Variants in BMI1 observed in about 807,000 individuals in gnomAD.
The protein encoded by BMI1 is polycomb complex protein BMI-1.
A neutral mutation model predicts 39.1 loss-of-function variants in BMI1; 9 were observed. The ratio of observed to expected loss-of-function variants is 0.23; its 90% confidence interval spans 0.14 to 0.40. The LOEUF is 0.40. BMI1 is among the 10% of genes least tolerant of loss of function. The pLI is 1.00. For missense variants in BMI1, 252 were observed against 390.8 expected (o/e 0.64, Z 2.99); for synonymous variants, 131 against 127.9 (o/e 1.02, Z -0.16).
chr10:22,330,326 T>C lies in BMI1; in HGVS notation c.*784T>C. ...TTGTGTTTCATGCATTCAGAAATGA[T>C]TGTTAAAATTCTCCCAACTGGTTCG... is the stretch of plus-strand genomic sequence containing the variant. On this transcript the variant is annotated 3_prime_UTR_variant, in exon 10 of 10. Coordinates refer to ENST00000376663, the MANE Select transcript of BMI1 (RefSeq NM_005180.9). 1 of 152,678 alleles carries C rather than the reference T, an allele frequency of 6.5e-6. No individual in the cohort carries two copies. The highest frequency in any genetic ancestry group is 1.5e-5 in the Non-Finnish European group (1 of 68,036). The allele number at this position is 152,678 out of a possible 1,614,324, so 9.5% of individuals were successfully genotyped here.
Position 22,330,444 on chromosome 10 carries a change from A to G in BMI1, c.*902A>G, listed in dbSNP as rs1441184913. The stretch of plus-strand genomic sequence containing the variant: ...ATCTAATTCTAAAGTCTGTTCCATT[A>G]GAAGCAATTGGCACATCTTTCTATA... On this transcript the variant is annotated 3_prime_UTR_variant, in exon 10 of 10. Transcript: ENST00000376663. 3 of 152,516 alleles carry G rather than the reference A, an allele frequency of 2.0e-5. No homozygotes were observed. Among genetic ancestry groups the G allele is most frequent in the Admixed American group, 1.3e-4 (2 of 15,288 alleles). 9.4% of individuals were successfully genotyped at this position (152,516 alleles called of 1,614,324 possible).
At chr10:22,331,591 T>G (rs144273530), downstream of BMI1, 154 of 152,296 alleles carry the variant, frequency 1.0e-3, no homozygotes, top group African/African-American at 3.6e-3. Context: ...GATGATCATT[T>G]GTATAAAGAA....
Position 22,329,326 on chromosome 10 carries a change from T to C in BMI1, c.765T>C (p.Ser255=), listed in dbSNP as rs1836233881. The change falls in exon 10 of 10, where the codon AGT becomes AGC. Residue 255 remains serine (S), a synonymous_variant. Transcript: ENST00000376663. ...NAGELESDSG[S]DKANSPAGGI... Reference sequence around the variant, plus strand: ...GAGAACTGGAAAGTGACTCTGGGAGTGACAAGGCCAACAGCCCAGCAGGAG... The same window carrying C: ...GAGAACTGGAAAGTGACTCTGGGAGCGACAAGGCCAACAGCCCAGCAGGAG... 6.2e-7 allele frequency: 1 copy of C among 1,613,858 alleles called. No individual in the cohort carries two copies. Among genetic ancestry groups the C allele is most frequent in the Non-Finnish European group, 8.5e-7 (1 of 1,180,000 alleles).
chr10:22,328,243 A>G (rs1195595849), intron 7 of BMI1, 64 bp downstream of exon 7: 2 of 1,533,596 alleles, frequency 1.3e-6, no homozygotes, highest in Non-Finnish European at 1.8e-6. Context: ...TTTATCAGGG[A>G]TTGTGTTGCC....
rs751062371 is a variant in BMI1 at position 22,327,010 on chromosome 10, G to C, written c.209+24G>C. ...AGGTAGGAAACTGTTGAAATTCCTT[G>C]TTTGTAATTATTATTGGAGTTGTAT... On this transcript the variant is annotated intron_variant, in intron 3 of 9. Transcript: ENST00000376663. The C allele has an allele frequency of 3.1e-6, 5 of 1,605,668 alleles. No homozygotes were observed. In the African/African-American group the frequency reaches 5.4e-5, roughly 17 times the overall value.
chr10:22,327,484 G>C (rs1264596603), intron 3 of BMI1, 111 bp from the exon 4 acceptor site: 1 of 1,092,344 alleles, frequency 9.2e-7, no homozygotes, highest in South Asian at 1.7e-5. Context: ...GTTATAGACA[G>C]CATCACAATC....
chr10:22,331,116 T>C lies in BMI1; in HGVS notation c.*1574T>C, dbSNP rs1188441495. The C allele has an allele frequency of 6.6e-6, 1 of 152,610 alleles. No homozygotes were observed. Among genetic ancestry groups the C allele is most frequent in the African/African-American group, 2.4e-5 (1 of 41,462 alleles). 9.5% of individuals were successfully genotyped at this position (152,610 alleles called of 1,614,324 possible). A position where few individuals can be genotyped will look rare whatever the true frequency, so the allele number is the denominator to read the frequency against. ...TTTAAAAATATAGTAAAGGATGTTT[T>C]ATGAAGTCACAAGATACATATATTT... On this transcript the variant is annotated 3_prime_UTR_variant, in exon 10 of 10. Transcript: ENST00000376663.
chr10:22,323,906 C>T (rs1313052049), intron 1 of BMI1, among the ~76,000 whole-genome samples: 1 of 152,198 alleles, frequency 6.6e-6, no homozygotes, highest in Non-Finnish European at 1.5e-5. Flanking sequence ...GTTGCCACTA[C>T]TTTCAAAGGG....
At chr10:22,327,560 T>A (rs566845639) in intron 3 of BMI1, 35 bp from the exon 4 acceptor site, 1 of 1,558,022 alleles carries the variant, frequency 6.4e-7, no homozygotes, top group South Asian at 1.2e-5. Context: ...TCTTGCCATC[T>A]GAATTCATAG....
At position 22,329,492 on chromosome 10, in the gene BMI1, A is replaced by G. The variant is rs1836237596; in HGVS notation, c.931A>G (p.Arg311Gly). ...TAACCACCAATCTTCTTTTGCCAAT[A>G]GACCTCGAAAATCATCAGTAAATGG... Reference protein sequence around the residue: ...SGNHQSSFANRPRKSSVNGSS... With the variant: ...SGNHQSSFANGPRKSSVNGSS... Residue 311 changes from arginine (R) to glycine (G), a missense_variant, in exon 10 of 10, where the codon AGA (arginine) becomes GGA (glycine). Arg to Gly is a moderately radical substitution (Grantham distance 125). This residue lies in a region of BMI1 where 96 missense variants were observed against 120.2 expected (regional missense o/e 0.80). Transcript: ENST00000376663. 7 of 1,614,208 alleles carry G rather than the reference A, an allele frequency of 4.3e-6. No homozygotes were observed. Among genetic ancestry groups the G allele is most frequent in the Non-Finnish European group, 5.9e-6 (7 of 1,180,026 alleles).
At position 22,328,717 on chromosome 10, in the gene BMI1, T is replaced by C. The variant is rs1275377551; in HGVS notation, c.570+19T>C. On this transcript the variant is annotated intron_variant, in intron 8 of 9. Coordinates refer to ENST00000376663, the MANE Select transcript of BMI1 (RefSeq NM_005180.9). ...TTTCCAGGTATCTACTTTTATATTCTTCTTGCATTTTACATAGATTTTACA... is the reference window on the plus strand; with the variant it reads ...TTTCCAGGTATCTACTTTTATATTCCTCTTGCATTTTACATAGATTTTACA... 1.5e-5 allele frequency: 23 copies of C among 1,545,040 alleles called. No homozygotes were observed. In the East Asian group the frequency reaches 5.4e-4, roughly 36 times the overall value.
chr10:22,325,723 G>GT (rs1836130929), intron 1 of BMI1: 1 of 151,562 alleles, frequency 6.6e-6, no homozygotes, highest in Admixed American at 6.6e-5. Flanking sequence ...GATGCCAAGT[G>GT]TAAGTGTAAG....
chr10:22,325,510 A>ATCCCCGCTCCCCGC (rs998715226), intron 1 of BMI1: 3 of 150,970 alleles, frequency 2.0e-5, no homozygotes, highest in African/African-American at 7.3e-5. Flanking sequence ...CTGGTCCCCG[A>ATCCCCGCTCCCCGC]TCCCCGCTCC....
chr10:22,327,873 A>G lies in BMI1; in HGVS notation c.317-77A>G, dbSNP rs1836194491. ...ATTAAAATGTATTAAAATTGACTTT[A>G]CCACTTCCATCCTCTTATATATAAA... On this transcript the variant is annotated intron_variant, in intron 5 of 9. Transcript: ENST00000376663. 2.5e-6 allele frequency: 4 copies of G among 1,596,436 alleles called. No individual in the cohort carries two copies. In the South Asian group the frequency reaches 4.6e-5, roughly 18 times the overall value.
At chr10:22,322,338 G>T (rs1254783215) in intron 1 of BMI1, among the ~76,000 whole-genome samples, 1 of 152,216 alleles carries the variant, frequency 6.6e-6, no homozygotes, top group Non-Finnish European at 1.5e-5. Context: ...GCCAAGGTGG[G>T]TGTTAGGCTG....
chr10:22,324,971 C>A lies in BMI1; in HGVS notation c.-19-1460C>A, dbSNP rs188876483. On this transcript the variant is annotated intron_variant, in intron 1 of 9. Coordinates refer to ENST00000376663, the MANE Select transcript of BMI1 (RefSeq NM_005180.9). ...TTTTACATTTGTTTTTCTCTCCTGT[C>A]GCTGCTTTGGGTTGACAAGCTGTTG... Among the ~76,000 whole-genome samples the A allele has an allele frequency of 2.0e-5, 3 of 152,224 alleles. No individual in the cohort carries two copies. The East Asian group carries it at 5.8e-4, about 29-fold the overall frequency.
intron 1 of BMI1, among the ~76,000 whole-genome samples, chr10:22,324,965 T>C (rs1319934379): frequency 6.6e-6 from 1 of 152,188 alleles, no homozygotes; most frequent in Non-Finnish European, 1.5e-5. Context: ...TGTTTTTCTC[T>C]CCTGTCGCTG....
chr10:22,328,756 T>G (rs891326864), intron 8 of BMI1, 58 bp downstream of exon 8: 10 of 1,500,620 alleles, frequency 6.7e-6, no homozygotes, highest in Non-Finnish European at 8.9e-6. Context: ...TTAATTACAT[T>G]TTTCACTTTG....
intron 7 of BMI1, 151 bp from the exon 8 acceptor site, chr10:22,328,449 A>G (rs2132007373): frequency 1.3e-6 from 1 of 789,184 alleles, no homozygotes; most frequent in East Asian, 2.9e-5. Flanking sequence ...AGTATTTGTA[A>G]TGATAGTAAA....
Sources: gnomAD v4.1 joint callset for allele counts (sites outside exome capture counted in the v4.1 genomes callset) on GRCh38, gnomAD v4.1.1 for gene constraint, gnomAD v4.1.1 regional missense constraint, MANE v1.5 for transcripts, NCBI Gene and HGNC (gene_info 2026-07-23, HGNC 2026-07-21) for gene names.